The following ICAM2 variants were observed in gnomAD, a reference collection of about 807,000 sequenced individuals.
ICAM2 encodes the protein ICAM-2.
A neutral mutation model predicts 19.1 loss-of-function variants in ICAM2; 14 were observed. The ratio of observed to expected loss-of-function variants is 0.73; its 90% CI spans 0.48 to 1.15. ICAM2 has a LOEUF of 1.15. ICAM2 is among the 50% of genes most tolerant of loss of function. The pLI, the probability that ICAM2 is intolerant of heterozygous loss-of-function variation, is 0.00. For missense variants in ICAM2, 311 were observed against 355.4 expected, an observed-to-expected ratio of 0.88 and a Z score of 1.00; for synonymous variants, 153 against 152.7, an observed-to-expected ratio of 1.00 and a Z score of -0.01.
chr17:64,020,243 C>G (rs184335864), intron 1 of ICAM2, among the ~76,000 whole-genome samples: 1 of 152,074 alleles, frequency 6.6e-6, no homozygotes, highest in East Asian at 1.9e-4. Flanking sequence ...CATCGGCCAC[C>G]GAGATGGCAG....
intron 1 of ICAM2, among the ~76,000 whole-genome samples, chr17:64,019,972 T>C (rs1338703756): frequency 6.6e-6 from 1 of 152,022 alleles, no homozygotes; most frequent in Non-Finnish European, 1.5e-5. Context: ...CGTTACCTAG[T>C]AAATTTTACA....
intron 1 of ICAM2, among the ~76,000 whole-genome samples, chr17:64,009,174 T>C (rs2143211418): frequency 6.6e-6 from 1 of 152,310 alleles, no homozygotes; most frequent in Admixed American, 6.5e-5. Context: ...TGGCACACAG[T>C]AGGTGCTTCA....
chr17:64,005,501 T>A, intron 2 of ICAM2, 128 bp from the exon 3 acceptor site: 1 of 1,034,784 alleles, frequency 9.7e-7, no homozygotes, highest in Non-Finnish European at 1.4e-6. Flanking sequence ...GGGACCCCGC[T>A]GCTACTTTCC....
intron 1 of ICAM2, among the ~76,000 whole-genome samples, chr17:64,013,083 C>T (rs1010728837): frequency 1.3e-5 from 2 of 152,012 alleles, no homozygotes; most frequent in African/African-American, 2.4e-5. Context: ...GAGGCTGGGG[C>T]GAGTGGATTA....
In ICAM2 at chr17:64,009,957, G is replaced by A. The variant is rs1244510594; in HGVS notation, c.-44-3222C>T. Among the ~76,000 whole-genome samples, 12 of 152,286 alleles carry A rather than the reference G, an allele frequency of 7.9e-5. No individual in the cohort carries two copies. The East Asian group carries it at 2.3e-3, about 29-fold the overall frequency. On this transcript the variant is annotated intron_variant, in intron 1 of 4. Coordinates refer to ENST00000579788, the MANE Select transcript of ICAM2 (RefSeq NM_001099789.2). ...TGCCAGCTGGCCTGAAGGACCCCAA[G>A]AGGAGCTGACTCACAAAAGAATGCA...
At chr17:64,005,007 T>A in intron 3 of ICAM2, 100 bp downstream of exon 3, 1 of 1,383,598 alleles carries the variant, frequency 7.2e-7, no homozygotes, top group Admixed American at 1.9e-5. Context: ...GGCCCCACGA[T>A]GACAGTGCCC....
intron 1 of ICAM2, among the ~76,000 whole-genome samples, chr17:64,008,719 A>G (rs997544943): frequency 2.0e-5 from 3 of 152,226 alleles, no homozygotes; most frequent in African/African-American, 4.8e-5. Context: ...GAGACCCTCA[A>G]GAGGGAAAAG....
intron 3 of ICAM2, chr17:64,004,777 G>A: frequency 2.3e-6 from 1 of 426,358 alleles, no homozygotes; most frequent in East Asian, 4.7e-5. Context: ...CTCCCCTGAT[G>A]GTGACCCCAC....
At chr17:64,011,806 A>G (rs753770338) in intron 1 of ICAM2, among the ~76,000 whole-genome samples, 72 of 152,358 alleles carry the variant, frequency 4.7e-4, no homozygotes, top group Non-Finnish European at 8.7e-4. Flanking sequence ...GAATGCTTAC[A>G]TGCAGTTAGG....
At chr17:64,018,333 CAAA>C (rs376250303) in intron 1 of ICAM2, among the ~76,000 whole-genome samples, 31 of 52,734 alleles carry the variant, frequency 5.9e-4, no homozygotes, top group African/African-American at 2.0e-3. Context: ...GACTCTATCT[CAAA>C]AAAAAAAAAA....
intron 1 of ICAM2, chr17:64,007,643 T>C (rs1268399538): frequency 6.6e-6 from 1 of 152,184 alleles, no homozygotes; most frequent in Non-Finnish European, 1.5e-5. Context: ...AGGAAATGCA[T>C]CCCATAATAG....
In ICAM2 at chr17:64,009,519, C is replaced by T. The variant is rs138942491; in HGVS notation, c.-44-2784G>A. On this transcript the variant is annotated intron_variant, in intron 1 of 4. Transcript: ENST00000579788. ...CTGGAGTGCAGTGATGCAATCTCAG[C>T]TCACTGCAACGTCCGCCTCCTGGGT... 1.6e-3 allele frequency among the ~76,000 whole-genome samples: 249 copies of T among 152,294 alleles called. 3 individuals are homozygous for T. Among genetic ancestry groups the T allele is most frequent in the African/African-American group, 5.6e-3 (233 of 41,560 alleles).
chr17:64,019,791 G>A (rs1434008372), intron 1 of ICAM2, among the ~76,000 whole-genome samples: 1 of 141,900 alleles, frequency 7.0e-6, no homozygotes, highest in Non-Finnish European at 1.5e-5. Context: ...ACTCCAGCCT[G>A]GGCGACAAGA....
chr17:64,003,437 T>C (rs1910948536), intron 4 of ICAM2: 2 of 589,102 alleles, frequency 3.4e-6, no homozygotes, highest in South Asian at 4.1e-5. Context: ...GAGGAACTAG[T>C]TGACCTCTCC....
rs67934258 is a variant in ICAM2, at chr17:64,018,713, CTTTTTTT to C, written c.-45+1803_-45+1809del. ...CAGACATGTCTTTGTGTTTACTTCTCTTTTTTTTTTTTTTTTTTTTTTTTTTGAGACG... is the reference window on the plus strand; with the variant it reads ...CAGACATGTCTTTGTGTTTACTTCTCTTTTTTTTTTTTTTTTTTTGAGACG... On this transcript the variant is annotated intron_variant, in intron 1 of 4. Coordinates refer to ENST00000579788, the MANE Select transcript of ICAM2 (RefSeq NM_001099789.2). 6.2e-3 allele frequency among the ~76,000 whole-genome samples: 390 copies of C among 62,924 alleles called. 3 individuals are homozygous for C. Among genetic ancestry groups the C allele is most frequent in the African/African-American group, 0.022 (367 of 16,342 alleles). The allele number at this position is 62,924 out of a possible 152,430, so 41.3% of individuals were successfully genotyped here. A position where few individuals can be genotyped will look rare whatever the true frequency, so the allele number is the denominator to read the frequency against.
At chr17:64,010,139 C>T (rs565505800) in intron 1 of ICAM2, among the ~76,000 whole-genome samples, 4 of 152,330 alleles carry the variant, frequency 2.6e-5, no homozygotes, top group South Asian at 4.1e-4. Flanking sequence ...TTTGGCACCC[C>T]GGGATCATTA....
At chr17:64,014,767 A>AAGAAAAAG (rs1567849939) in intron 1 of ICAM2, among the ~76,000 whole-genome samples, 20 of 110,542 alleles carry the variant, frequency 1.8e-4, no homozygotes, top group African/African-American at 5.7e-4. Context: ...GAAAGAAAGA[A>AAGAAAAAG]AAAGAAAGAA....
chr17:64,011,036 T>A (rs1440061907), intron 1 of ICAM2, among the ~76,000 whole-genome samples: 2 of 152,126 alleles, frequency 1.3e-5, no homozygotes, highest in African/African-American at 2.4e-5. Flanking sequence ...AACACAATTT[T>A]AAAATGGGCA....
At position 64,005,200 on chromosome 17, in the gene ICAM2, A is replaced by G; in HGVS notation, c.235T>C (p.Leu79=). 6.2e-7 allele frequency: 1 copy of G among 1,614,148 alleles called. No homozygotes were observed. The highest frequency in any genetic ancestry group is 8.5e-7 in the Non-Finnish European group (1 of 1,180,020). The change falls in exon 3 of 5, where the codon TTG becomes CTG. Residue 79 remains leucine (L), a synonymous_variant. Transcript: ENST00000579788. The stretch of plus-strand genomic sequence containing the variant: ...GTGTCATGGGAGATGTTTGAGACCA[A>G]GTAATGTTTCCACTGAGCCTGTTCG... ...LDEQAQWKHY[L]VSNISHDTVL...
Sources: allele counts gnomAD v4.1 joint callset (sites outside exome capture counted in the v4.1 genomes callset), GRCh38; gene constraint gnomAD v4.1.1; transcripts MANE v1.5; gene names NCBI Gene and HGNC (gene_info 2026-07-23, HGNC 2026-07-21).